The following MGAT4C variants were observed in gnomAD, a reference collection of about 807,000 sequenced individuals.
MGAT4C encodes the protein alpha-1,3-mannosyl-glycoprotein 4-beta-N-acetylglucosaminyltransferase C.
In MGAT4C, 19 loss-of-function variants were observed where a neutral mutation model predicts 40.1. The ratio of observed to expected loss-of-function variants is 0.47; its 90% confidence interval spans 0.33 to 0.70. The LOEUF (loss-of-function observed/expected upper bound fraction) is 0.70. MGAT4C is among the 30% of genes least tolerant of loss of function. The probability of loss-of-function intolerance (pLI) is 0.02; values close to 1 mark genes in which losing one functional copy is unlikely to be tolerated. For synonymous variants in MGAT4C, 181 were observed against 187.1 expected, an observed-to-expected ratio of 0.97 and a Z score of 0.27; for missense variants, 491 against 563.2, an observed-to-expected ratio of 0.87 and a Z score of 1.30.
intron 2 of MGAT4C, among the ~76,000 whole-genome samples, chr12:86,677,063 CAG>C (rs1417022973): frequency 6.6e-6 from 1 of 151,918 alleles, no homozygotes; most frequent in Admixed American, 6.6e-5. Flanking sequence ...AGCCAGATTG[CAG>C]AGTGTTGAGA....
chr12:86,008,328 T>G lies in MGAT4C; in HGVS notation c.-6-18776A>C, dbSNP rs1386848457. ...ATTTATTCAGGTCATCTTTAATTTG[T>G]CTGAGCAATGGTTTTATTTTTCAGT... On this transcript the variant is annotated intron_variant, in intron 2 of 4. Coordinates refer to ENST00000611864, the MANE Select transcript of MGAT4C (RefSeq NM_001351288.2). Among the ~76,000 whole-genome samples, 4 of 152,064 alleles carry G rather than the reference T, an allele frequency of 2.6e-5. No individual in the cohort carries two copies. In the East Asian group the frequency reaches 7.7e-4, roughly 29 times the overall value.
intron 3 of MGAT4C, among the ~76,000 whole-genome samples, chr12:86,366,666 G>C (rs1955604478): frequency 6.6e-6 from 1 of 152,040 alleles, no homozygotes; most frequent in Admixed American, 6.6e-5. Flanking sequence ...CCAAACCTGA[G>C]CATCACATAA....
intron 3 of MGAT4C, among the ~76,000 whole-genome samples, chr12:86,422,813 G>A (rs973785201): frequency 4.6e-5 from 7 of 152,086 alleles, no homozygotes; most frequent in Admixed American, 1.3e-4. Flanking sequence ...AAAAAACATA[G>A]AGTATCTGGG....
At chr12:86,595,593 G>C (rs552905203) in intron 2 of MGAT4C, among the ~76,000 whole-genome samples, 3 of 150,670 alleles carry the variant, frequency 2.0e-5, no homozygotes, top group African/African-American at 7.3e-5. Flanking sequence ...ATCATTCTTT[G>C]ACCAAACATC....
intron 1 of MGAT4C, among the ~76,000 whole-genome samples, chr12:86,097,599 T>C (rs1049819619): frequency 1.3e-5 from 2 of 151,648 alleles, no homozygotes; most frequent in Non-Finnish European, 3.0e-5. Flanking sequence ...AGAGTATACA[T>C]CTTTGAAACT....
intron 4 of MGAT4C, among the ~76,000 whole-genome samples, chr12:86,300,182 A>T (rs1355876284): frequency 6.6e-6 from 1 of 152,044 alleles, no homozygotes; most frequent in African/African-American, 2.4e-5. Context: ...TGTGCATCCA[A>T]TTTTTTTCTA....
intron 4 of MGAT4C, among the ~76,000 whole-genome samples, chr12:86,320,318 T>C (rs1014214509): frequency 5.3e-5 from 8 of 152,160 alleles, no homozygotes; most frequent in Non-Finnish European, 1.2e-4. Context: ...TAATTTCCAG[T>C]AGGGAAGGTG....
At chr12:86,701,228 A>T (rs748037333) in intron 2 of MGAT4C, among the ~76,000 whole-genome samples, 2 of 152,028 alleles carry the variant, frequency 1.3e-5, no homozygotes, top group Non-Finnish European at 2.9e-5. Flanking sequence ...TCACTTGTAG[A>T]TGTTACTTTT....
chr12:86,005,673 C>T (rs1469189619), intron 2 of MGAT4C, among the ~76,000 whole-genome samples: 2 of 152,152 alleles, frequency 1.3e-5, no homozygotes, highest in South Asian at 2.1e-4. Context: ...AGTCTGATGG[C>T]TAGTTCTTGG....
intron 2 of MGAT4C, among the ~76,000 whole-genome samples, chr12:86,611,009 C>G (rs954868233): frequency 6.6e-6 from 1 of 151,462 alleles, no homozygotes; most frequent in Non-Finnish European, 1.5e-5. Context: ...TAAGTTCTCT[C>G]GCTGTGCTCA....
chr12:86,151,616 A>C (rs1884297292), intron 1 of MGAT4C, among the ~76,000 whole-genome samples: 1 of 152,066 alleles, frequency 6.6e-6, no homozygotes. Context: ...AAAAAAATGG[A>C]CACTATGTGT....
rs779287683 is a variant in MGAT4C, at chr12:86,071,416, T to C, written c.-56-21693A>G. On this transcript the variant is annotated intron_variant, in intron 1 of 4. Coordinates refer to ENST00000611864, the MANE Select transcript of MGAT4C (RefSeq NM_001351288.2). ...AATATAAATAATTTATGAAATGTGC[T>C]TTGTAGTTGGCTTATAACAGTATTG... Among the ~76,000 whole-genome samples the C allele has an allele frequency of 2.0e-4, 31 of 152,202 alleles. 1 individual carries two copies. The highest frequency in any genetic ancestry group is 6.5e-4 in the Admixed American group (10 of 15,278).
At chr12:86,566,524 TCATATA>T (rs199995121) in intron 2 of MGAT4C, among the ~76,000 whole-genome samples, 4,530 of 53,006 alleles carry the variant, frequency 0.085, 173 homozygotes, top group East Asian at 0.11. Context: ...CTTAGTAAAC[TCATATA>T]CATATATATA....
At chr12:86,497,923 C>A (rs1425130886) in intron 2 of MGAT4C, among the ~76,000 whole-genome samples, 1 of 141,382 alleles carries the variant, frequency 7.1e-6, no homozygotes, top group South Asian at 2.2e-4. Flanking sequence ...TATACGCACA[C>A]ACACATATAA....
At chr12:86,065,262 C>A (rs7295765) in intron 1 of MGAT4C, among the ~76,000 whole-genome samples, 132,315 of 152,178 alleles carry the variant, frequency 0.87, 57,986 homozygotes, top group East Asian at 1. Context: ...CAACAAATAA[C>A]GAAAATTTCA....
intron 1 of MGAT4C, among the ~76,000 whole-genome samples, chr12:86,219,457 G>A (rs1195948352): frequency 6.6e-6 from 1 of 152,194 alleles, no homozygotes; most frequent in East Asian, 1.9e-4. Flanking sequence ...TACATTTCTT[G>A]CACCTGTTGG....
At chr12:86,176,312 C>G (rs577732359) in intron 1 of MGAT4C, among the ~76,000 whole-genome samples, 1 of 152,260 alleles carries the variant, frequency 6.6e-6, no homozygotes, top group Non-Finnish European at 1.5e-5. Flanking sequence ...TGCTTTGCAA[C>G]TTTGTTTACC....
chr12:86,172,577 C>G (rs1484921997), intron 1 of MGAT4C, among the ~76,000 whole-genome samples: 1 of 151,970 alleles, frequency 6.6e-6, no homozygotes, highest in African/African-American at 2.4e-5. Flanking sequence ...TGAATCTATA[C>G]TCAGCCAGAA....
At chr12:86,694,615 G>A (rs529631884) in intron 2 of MGAT4C, among the ~76,000 whole-genome samples, 21 of 152,202 alleles carry the variant, frequency 1.4e-4, no homozygotes, top group African/African-American at 4.6e-4. Context: ...TGTCATGTCA[G>A]GGTCACTTTA....
Sources: allele counts gnomAD v4.1 joint callset (sites outside exome capture counted in the v4.1 genomes callset), GRCh38; gene constraint gnomAD v4.1.1; transcripts MANE v1.5; gene names NCBI Gene and HGNC (gene_info 2026-07-23, HGNC 2026-07-21).